TNFAIP8L3: variants seen among roughly 807,000 people sequenced by gnomAD.
TNFAIP8L3 encodes the protein tumor necrosis factor alpha-induced protein 8-like protein 3.
Under a neutral mutation model 11.8 loss-of-function variants are expected in TNFAIP8L3, and 7 were observed. The ratio of observed to expected loss-of-function variants is 0.59; its 90% CI spans 0.34 to 1.11. The LOEUF (loss-of-function observed/expected upper bound fraction) is 1.11. TNFAIP8L3 is among the 50% of genes most tolerant of loss of function. TNFAIP8L3 has a pLI of 0.03. For synonymous variants in TNFAIP8L3, 98 were observed against 103.8 expected (o/e 0.94, Z 0.34); for missense variants, 219 against 258.6 (o/e 0.85, Z 1.05).
At chr15:51,065,123 T>C (rs527494108) in intron 1 of TNFAIP8L3, among the ~76,000 whole-genome samples, 6 of 152,226 alleles carry the variant, frequency 3.9e-5, no homozygotes, top group Non-Finnish European at 8.8e-5. Context: ...TATGTAGCGA[T>C]AGCAAATTCA....
At chr15:51,086,952 G>T (rs769276411) in intron 1 of TNFAIP8L3, among the ~76,000 whole-genome samples, 3 of 151,332 alleles carry the variant, frequency 2.0e-5, no homozygotes, top group African/African-American at 7.3e-5. Flanking sequence ...GCAGTGGCAC[G>T]ATCTAGGCTC....
At chr15:51,067,361 T>C (rs987810790) in intron 1 of TNFAIP8L3, among the ~76,000 whole-genome samples, 15 of 151,934 alleles carry the variant, frequency 9.9e-5, no homozygotes, top group African/African-American at 3.6e-4. Context: ...AGTCCTGAGG[T>C]CTCCCAAATT....
chr15:51,087,412 G>A (rs1053258943), intron 1 of TNFAIP8L3, among the ~76,000 whole-genome samples: 6 of 152,202 alleles, frequency 3.9e-5, no homozygotes, highest in African/African-American at 1.4e-4. Context: ...GGATGTGTGT[G>A]CTCACTAGCA....
intron 1 of TNFAIP8L3, among the ~76,000 whole-genome samples, chr15:51,074,369 C>T (rs1265517694): frequency 6.6e-6 from 1 of 152,224 alleles, no homozygotes; most frequent in Non-Finnish European, 1.5e-5. Context: ...CTGGTCCCCT[C>T]TTGGTAGGTT....
chr15:51,093,392 T>G (rs2065486817), intron 1 of TNFAIP8L3, among the ~76,000 whole-genome samples: 1 of 152,148 alleles, frequency 6.6e-6, no homozygotes, highest in Non-Finnish European at 1.5e-5. Context: ...GGAATCTCTG[T>G]AAAATGAAAA....
intron 1 of TNFAIP8L3, among the ~76,000 whole-genome samples, chr15:51,089,578 C>T (rs55939501): frequency 0.21 from 31,936 of 152,124 alleles, 3,483 homozygotes; most frequent in East Asian, 0.4. Context: ...TCCCATAATT[C>T]CTAACACAGA....
Position 51,094,663 on chromosome 15 carries a change from G to C in TNFAIP8L3, c.-68C>G. 1 of 1,301,168 alleles carries C rather than the reference G, an allele frequency of 7.7e-7. No individual in the cohort carries two copies. The highest frequency in any genetic ancestry group is 1.5e-5 in the African/African-American group (1 of 64,870). The allele number at this position is 1,301,168 out of a possible 1,614,324, so 80.6% of individuals were successfully genotyped here. ...TGCGGGGCGCTCGGGCAGCCGCGGC[G>C]CACTCAGGGCGGACAGCGGGGCGGC... On this transcript the variant is annotated 5_prime_UTR_variant, in exon 1 of 2. Transcript: ENST00000637513. This position sits in a 1 kb window ranked among gnomAD's most constrained non-coding sequence, Gnocchi z 4.4.
At chr15:51,073,089 C>T (rs12593829) in intron 1 of TNFAIP8L3, among the ~76,000 whole-genome samples, 30,603 of 150,736 alleles carry the variant, frequency 0.2, 3,573 homozygotes, top group East Asian at 0.44. Context: ...CTCCACCTCC[C>T]GGTTTCAAGC....
intron 1 of TNFAIP8L3, among the ~76,000 whole-genome samples, chr15:51,065,558 A>T (rs542027990): frequency 6.6e-6 from 1 of 152,316 alleles, no homozygotes; most frequent in South Asian, 2.1e-4. Context: ...AAATTTTGGG[A>T]AAAATAAAGT....
At chr15:51,070,415 G>T (rs1031912931) in intron 1 of TNFAIP8L3, among the ~76,000 whole-genome samples, 1 of 152,222 alleles carries the variant, frequency 6.6e-6, no homozygotes, top group African/African-American at 2.4e-5. Context: ...TAATAATAAA[G>T]TGCTTGCTCT....
chr15:51,060,871 C>G (rs1313722041), intron 1 of TNFAIP8L3, among the ~76,000 whole-genome samples: 1 of 152,202 alleles, frequency 6.6e-6, no homozygotes, highest in Non-Finnish European at 1.5e-5. Flanking sequence ...TGCTGTGGCT[C>G]ATGCCTGTAA....
chr15:51,081,320 G>T (rs1404833914), intron 1 of TNFAIP8L3, among the ~76,000 whole-genome samples: 1 of 152,178 alleles, frequency 6.6e-6, no homozygotes, highest in Non-Finnish European at 1.5e-5. Flanking sequence ...GACAAGATGG[G>T]TAGGGCCCAT....
chr15:51,081,672 G>C (rs2065393351), intron 1 of TNFAIP8L3, among the ~76,000 whole-genome samples: 1 of 152,210 alleles, frequency 6.6e-6, no homozygotes, highest in Admixed American at 6.5e-5. Context: ...CAACACAACA[G>C]AAAACAAAAC....
upstream of TNFAIP8L3, among the ~76,000 whole-genome samples, chr15:51,097,325 A>G (rs766523729): frequency 4.6e-5 from 7 of 152,234 alleles, no homozygotes; most frequent in Non-Finnish European, 1.0e-4. Context: ...ACACACATTT[A>G]CAACACATGT....
chr15:51,066,056 C>T (rs1433027181), intron 1 of TNFAIP8L3, among the ~76,000 whole-genome samples: 2 of 150,370 alleles, frequency 1.3e-5, no homozygotes, highest in East Asian at 3.9e-4. Context: ...CAATCACTTA[C>T]ACTTAATTGT....
chr15:51,094,276 G>A lies in TNFAIP8L3; in HGVS notation c.52+268C>T, dbSNP rs2065494029. Among the ~76,000 whole-genome samples the A allele has an allele frequency of 6.6e-6, 1 of 151,466 alleles. No homozygotes were observed. Among genetic ancestry groups the A allele is most frequent in the Admixed American group, 6.6e-5 (1 of 15,232 alleles). On this transcript the variant is annotated intron_variant, in intron 1 of 1. Transcript: ENST00000637513. The surrounding 1 kb of genome is among the most constrained non-coding windows in gnomAD (Gnocchi z 4.4). ...TACGCGGATTCCCGAACCCTTCCCC[G>A]CCCCCACCCAGCCCGGGCGACCAGA...
intron 1 of TNFAIP8L3, among the ~76,000 whole-genome samples, chr15:51,101,359 C>T (rs529553703): frequency 7.9e-5 from 12 of 152,156 alleles, no homozygotes; most frequent in South Asian, 2.1e-4. Context: ...TGGTGGCTCA[C>T]GCCTGTAATC....
At chr15:51,090,441 T>C (rs1419099514) in intron 1 of TNFAIP8L3, among the ~76,000 whole-genome samples, 1 of 152,146 alleles carries the variant, frequency 6.6e-6, no homozygotes, top group African/African-American at 2.4e-5. Context: ...TTTGGTCACA[T>C]CTCTGCTCAA....
chr15:51,066,287 C>T (rs769351742), intron 1 of TNFAIP8L3, among the ~76,000 whole-genome samples: 8 of 151,816 alleles, frequency 5.3e-5, no homozygotes, highest in East Asian at 1.9e-4. Context: ...CTCCGCCTCC[C>T]GAGTAGCTGG....
Sources: allele counts gnomAD v4.1 joint callset (sites outside exome capture counted in the v4.1 genomes callset), GRCh38; gene constraint gnomAD v4.1.1; non-coding constraint Gnocchi (gnomAD v3.1); transcripts MANE v1.5; gene names NCBI Gene and HGNC (gene_info 2026-07-23, HGNC 2026-07-21).